Variants in ADAM32 observed in about 807,000 individuals in gnomAD.
The protein encoded by ADAM32 is ADAM metallopeptidase domain 32, also known as disintegrin and metalloproteinase domain-containing protein 32.
In ADAM32, 89 loss-of-function variants were observed where a neutral mutation model predicts 114.9. The observed-to-expected ratio is 0.77, with a 90% CI of 0.65 to 0.92. The LOEUF is 0.92. Ranked by LOEUF, ADAM32 falls within the 40% of genes least tolerant of loss-of-function variation. ADAM32 has a pLI of 0.00. For missense variants in ADAM32, 870 were observed against 932.8 expected (o/e 0.93, Z 0.88); for synonymous variants, 285 against 307.5 (o/e 0.93, Z 0.77).
rs541178896 is a variant in ADAM32 at position 39,142,075 on chromosome 8, G to A, written c.201-5055G>A. On this transcript the variant is annotated intron_variant, in intron 3 of 24. Transcript: ENST00000379907. The stretch of plus-strand genomic sequence containing the variant: ...AGATCTTCCTCCATCCCTTTATTTT[G>A]AGCCTATGTGCATTTTTAAGTGGCA... 2.0e-5 allele frequency among the ~76,000 whole-genome samples: 3 copies of A among 151,828 alleles called. No homozygotes were observed. The East Asian group carries it at 5.8e-4, about 29-fold the overall frequency.
rs1272578879 is a variant in ADAM32, at chr8:39,118,140, C to T, written c.113C>T (p.Thr38Ile). 2 of 1,478,782 alleles carry T rather than the reference C, an allele frequency of 1.4e-6. No homozygotes were observed. Among genetic ancestry groups the T allele is most frequent in the South Asian group, 2.7e-5 (2 of 72,746 alleles). 91.6% of individuals were successfully genotyped at this position (1,478,782 alleles called of 1,614,324 possible). A position where few individuals can be genotyped will look rare whatever the true frequency, so the allele number is the denominator to read the frequency against. Residue 38 changes from threonine to isoleucine, a missense_variant, in exon 2 of 25, where the codon ACA becomes ATA. Transcript: ENST00000379907. ...ATTCCAGAGAAAATCCAAACAAATA[C>T]AAATGACAGTTCAGAAATAGAATAT... is the stretch of plus-strand genomic sequence containing the variant. ...IVIPEKIQTN[T>I]NDSSEIEYEQ...
chr8:39,186,308 G>A (rs1806239686), intron 10 of ADAM32, among the ~76,000 whole-genome samples: 1 of 152,114 alleles, frequency 6.6e-6, no homozygotes, highest in African/African-American at 2.4e-5. Context: ...TGATGTCATT[G>A]CATACCATGA....
intron 6 of ADAM32, among the ~76,000 whole-genome samples, chr8:39,160,047 A>T (rs1804399110): frequency 6.6e-6 from 1 of 152,110 alleles, no homozygotes; most frequent in South Asian, 2.1e-4. Flanking sequence ...ATCATCTGGC[A>T]GTCTGGCCAG....
At chr8:39,272,111 A>G (rs1458821531) in intron 20 of ADAM32, among the ~76,000 whole-genome samples, 4 of 151,218 alleles carry the variant, frequency 2.6e-5, no homozygotes, top group Admixed American at 6.6e-5. Context: ...GAAAAAAAAA[A>G]AAAAAAAAAA....
At chr8:39,175,415 T>A (rs1324714361) in intron 10 of ADAM32, among the ~76,000 whole-genome samples, 1 of 152,202 alleles carries the variant, frequency 6.6e-6, no homozygotes, top group Non-Finnish European at 1.5e-5. Flanking sequence ...AAAGGATTTT[T>A]CTGCATCTAT....
intron 12 of ADAM32, among the ~76,000 whole-genome samples, chr8:39,217,599 T>C (rs1808669312): frequency 1.3e-5 from 2 of 152,192 alleles, no homozygotes; most frequent in Admixed American, 1.3e-4. Flanking sequence ...ATAGCCTTTC[T>C]TCAAGCTCAC....
At chr8:39,276,676 C>A (rs1813093794) in intron 22 of ADAM32, among the ~76,000 whole-genome samples, 1 of 152,128 alleles carries the variant, frequency 6.6e-6, no homozygotes, top group African/African-American at 2.4e-5. Flanking sequence ...AATAAGAATG[C>A]CTGCGTTGCT....
At chr8:39,198,725 T>C (rs1807181604) in intron 11 of ADAM32, among the ~76,000 whole-genome samples, 1 of 133,816 alleles carries the variant, frequency 7.5e-6, no homozygotes, top group Non-Finnish European at 1.6e-5. Flanking sequence ...ATTTGGGTTG[T>C]GATAGCGTTT....
At chr8:39,164,976 T>G in intron 8 of ADAM32, 54 bp from the exon 9 acceptor site, 2 of 1,535,108 alleles carry the variant, frequency 1.3e-6, no homozygotes, top group Non-Finnish European at 1.8e-6. Flanking sequence ...TTCTGGGTTT[T>G]TATAAGATAA....
chr8:39,175,271 G>C (rs1314561573), intron 10 of ADAM32, among the ~76,000 whole-genome samples: 2 of 152,120 alleles, frequency 1.3e-5, no homozygotes, highest in African/African-American at 4.8e-5. Context: ...CAGTTTATAA[G>C]GGGAATGCTT....
upstream of ADAM32, chr8:39,107,598 C>T (rs1839976245): frequency 7.1e-7 from 1 of 1,415,862 alleles, no homozygotes; most frequent in Non-Finnish European, 9.2e-7. Context: ...TCGGGGCGCA[C>T]GCTGCGGGCC....
chr8:39,245,946 G>T (rs1034320918), intron 16 of ADAM32, 137 bp from the exon 17 acceptor site: 80 of 646,460 alleles, frequency 1.2e-4, no homozygotes, highest in Admixed American at 4.7e-4. Context: ...CTTCTGGAAT[G>T]CAGCAAAAGC....
At chr8:39,263,451 G>C (rs1313804483) in intron 19 of ADAM32, among the ~76,000 whole-genome samples, 1 of 151,930 alleles carries the variant, frequency 6.6e-6, no homozygotes, top group East Asian at 1.9e-4. Flanking sequence ...GTACTTTAGT[G>C]TCCCCATTCT....
intron 11 of ADAM32, among the ~76,000 whole-genome samples, chr8:39,189,077 G>A (rs1806434778): frequency 6.6e-6 from 1 of 152,050 alleles, no homozygotes; most frequent in African/African-American, 2.4e-5. Flanking sequence ...GTGATTTACT[G>A]TGTACCTATT....
chr8:39,196,808 T>C (rs1807036986), intron 11 of ADAM32, among the ~76,000 whole-genome samples: 2 of 152,062 alleles, frequency 1.3e-5, no homozygotes, highest in Admixed American at 6.5e-5. Context: ...TTTTTTTTTG[T>C]TGTGTCCTTG....
intron 2 of ADAM32, among the ~76,000 whole-genome samples, chr8:39,126,658 T>G (rs1802135955): frequency 6.6e-6 from 1 of 152,186 alleles, no homozygotes; most frequent in Non-Finnish European, 1.5e-5. Context: ...TTGAACATCC[T>G]TTATTTGTTT....
intron 11 of ADAM32, among the ~76,000 whole-genome samples, chr8:39,190,691 T>C (rs1276735507): frequency 6.6e-6 from 1 of 152,224 alleles, no homozygotes; most frequent in East Asian, 1.9e-4. Flanking sequence ...AGTTTGGCAA[T>C]TTGTATGTCT....
At chr8:39,257,393 AG>A in intron 19 of ADAM32, 50 bp downstream of exon 19, 1 of 1,594,442 alleles carries the variant, frequency 6.3e-7, no homozygotes. Flanking sequence ...ATTTGAATCT[AG>A]TTATATGTAA....
chr8:39,126,994 C>G (rs1400857976), intron 2 of ADAM32, among the ~76,000 whole-genome samples: 1 of 152,150 alleles, frequency 6.6e-6, no homozygotes, highest in African/African-American at 2.4e-5. Flanking sequence ...TATGTTGAAC[C>G]AACCTTGCAT....
Sources: allele counts gnomAD v4.1 joint callset (sites outside exome capture counted in the v4.1 genomes callset), GRCh38; gene constraint gnomAD v4.1.1; transcripts MANE v1.5; gene names NCBI Gene and HGNC (gene_info 2026-07-23, HGNC 2026-07-21).